IZUMO3: variants seen among roughly 807,000 people sequenced by gnomAD.
IZUMO3 encodes izumo sperm-egg fusion protein 3.
In IZUMO3, 36 loss-of-function variants were observed where a neutral mutation model predicts 28.4. The observed-to-expected ratio is 1.27, with a 90% CI of 0.97 to 1.67. The LOEUF is 1.67. IZUMO3 is among the 40% of genes most tolerant of loss of function. IZUMO3 has a pLI of 0.00. For missense variants in IZUMO3, 387 were observed against 278.5 expected, an observed-to-expected ratio of 1.39 and a Z score of -2.77; for synonymous variants, 126 against 99.2, an observed-to-expected ratio of 1.27 and a Z score of -1.61.
chr9:24,543,470 TTTG>T, intron 6 of IZUMO3, 103 bp from the exon 7 acceptor site: 1 of 839,256 alleles, frequency 1.2e-6, no homozygotes, highest in Non-Finnish European at 1.6e-6. Flanking sequence ...TTTTTTTTTT[TTTG>T]CTGGATACTT....
chr9:24,543,016 A>G lies in IZUMO3; in HGVS notation c.*213T>C. On this transcript the variant is annotated 3_prime_UTR_variant, in exon 7 of 7. Coordinates refer to ENST00000543880, the MANE Select transcript of IZUMO3 (RefSeq NM_001365008.2). ...CTGTGCATTGCAACATACCAGCATT[A>G]CTTTCTGTACAACTCTGGCCAAATT... 4.9e-6 allele frequency: 2 copies of G among 406,734 alleles called. No homozygotes were observed. The highest frequency in any genetic ancestry group is 8.6e-6 in the Non-Finnish European group (2 of 231,440). The allele number at this position is 406,734 out of a possible 1,614,324, so 25.2% of individuals were successfully genotyped here. A position where few individuals can be genotyped will look rare whatever the true frequency, so the allele number is the denominator to read the frequency against.
intron 4 of IZUMO3, 93 bp from the exon 5 acceptor site, chr9:24,544,374 A>G (rs753880956): frequency 5.6e-5 from 51 of 903,106 alleles, no homozygotes; most frequent in Non-Finnish European, 8.7e-5. Flanking sequence ...GATCTCAAGC[A>G]TTCCCAGGAC....
At chr9:24,544,004 C>A (rs966759541) in intron 5 of IZUMO3, among the ~76,000 whole-genome samples, 197 bp downstream of exon 5, 1 of 152,062 alleles carries the variant, frequency 6.6e-6, no homozygotes, top group Admixed American at 6.6e-5. Context: ...CATTTCTCAG[C>A]CTTTCAGTTG....
At chr9:24,543,501 C>G (rs1039973245) in intron 6 of IZUMO3, 134 bp from the exon 7 acceptor site, 1 of 306,696 alleles carries the variant, frequency 3.3e-6, no homozygotes, top group Non-Finnish European at 4.3e-6. Flanking sequence ...TCCTTTTGTT[C>G]CAACTATTAT....
chr9:24,543,812 G>T, intron 5 of IZUMO3, 58 bp from the exon 6 acceptor site: 3 of 1,124,804 alleles, frequency 2.7e-6, no homozygotes, highest in South Asian at 1.3e-5. Context: ...AATAGCTTGT[G>T]ACATTTATTC....
In IZUMO3 at chr9:24,545,592, C is replaced by T. The variant is rs1051213400; in HGVS notation, c.58G>A (p.Gly20Ser). Residue 20 changes from glycine (G) to serine (S), a missense_variant, in exon 1 of 7, where the codon GGC becomes AGC. Transcript: ENST00000543880. ...AATTTGGGGTCACATTCTAAACAGC[C>T]TTTGACTCCATGGAAGGCTGAGAGG... ...LPLSAFHGVKGCLECDPKFIE... is the reference protein window; with the variant it reads ...LPLSAFHGVKSCLECDPKFIE... 2 of 1,535,262 alleles carry T rather than the reference C, an allele frequency of 1.3e-6. No individual in the cohort carries two copies. Among genetic ancestry groups the T allele is most frequent in the African/African-American group, 1.4e-5 (1 of 73,008 alleles).
chr9:24,543,579 TC>T (rs1399780055), intron 6 of IZUMO3, 84 bp downstream of exon 6: 2 of 1,112,396 alleles, frequency 1.8e-6, no homozygotes, highest in African/African-American at 3.2e-5. Context: ...TTGCTTTATT[TC>T]CATTTGGAGG....
chr9:24,543,147 A>G lies in IZUMO3; in HGVS notation c.*82T>C, dbSNP rs1819487145. 7.2e-6 allele frequency: 8 copies of G among 1,118,760 alleles called. No individual in the cohort carries two copies. Among genetic ancestry groups the G allele is most frequent in the Non-Finnish European group, 8.5e-6 (7 of 826,272 alleles). The allele number at this position is 1,118,760 out of a possible 1,614,324, so 69.3% of individuals were successfully genotyped here. The stretch of plus-strand genomic sequence containing the variant: ...TTAAAATACTATGACTTTATGACCA[A>G]GAAAGGGTTTACCTCCCAGTTTTGT... On this transcript the variant is annotated 3_prime_UTR_variant, in exon 7 of 7. Transcript: ENST00000543880.
At chr9:24,545,115 A>G (rs2117956633) in intron 2 of IZUMO3, 54 bp from the exon 3 acceptor site, 18 of 1,474,408 alleles carry the variant, frequency 1.2e-5, no homozygotes, top group Non-Finnish European at 1.7e-5. Flanking sequence ...TCCCTTCAGA[A>G]GTTAATTATG....
Position 24,545,212 on chromosome 9 carries a change from C to A in IZUMO3, c.301G>T (p.Gly101Cys). 1 of 1,549,278 alleles carries A rather than the reference C, an allele frequency of 6.5e-7. No individual in the cohort carries two copies. Among genetic ancestry groups the A allele is most frequent in the East Asian group, 2.4e-5 (1 of 40,892 alleles). The change falls in exon 2 of 7, where the codon GGT becomes TGT. Residue 101 changes from glycine to cysteine, a missense_variant and splice_region_variant. Physicochemically the swap from Gly to Cys is radical, Grantham distance 159. Transcript: ENST00000543880. Reference protein sequence around the residue: ...FYKLGNETWKGVFIYQGKLLD... With the variant: ...FYKLGNETWKCVFIYQGKLLD... ...TTTTAACATTGAAACAGTACCTCAC[C>A]TTTCCATGTTTCATTGCCCAGTTTA...
At chr9:24,544,635 A>G in intron 4 of IZUMO3, 108 bp downstream of exon 4, 1 of 941,914 alleles carries the variant, frequency 1.1e-6, no homozygotes, top group Non-Finnish European at 1.6e-6. Context: ...CCACAGCTCT[A>G]GGAATTGGTT....
At chr9:24,544,020 G>A (rs2117949002) in intron 5 of IZUMO3, among the ~76,000 whole-genome samples, 181 bp downstream of exon 5, 1 of 152,116 alleles carries the variant, frequency 6.6e-6, no homozygotes, top group South Asian at 2.1e-4. Flanking sequence ...AGTTGATTCA[G>A]TGCCAAATTA....
rs777974671 is a variant in IZUMO3, at chr9:24,545,376, C to T, written c.226+48G>A. 8 of 1,547,398 alleles carry T rather than the reference C, an allele frequency of 5.2e-6. No individual in the cohort carries two copies. In the South Asian group the frequency reaches 8.3e-5, roughly 16 times the overall value. On this transcript the variant is annotated intron_variant, in intron 1 of 6. Coordinates refer to ENST00000543880, the MANE Select transcript of IZUMO3 (RefSeq NM_001365008.2). ...CCCAGGTGTTCTCTTCCTTGCCTCC[C>T]TTCTCCGTTTAAGCCCCTGGACTCT... is the stretch of plus-strand genomic sequence containing the variant.
rs2117947953 is a variant in IZUMO3 at position 24,543,772 on chromosome 9, A to G, written c.491-18T>C. The stretch of plus-strand genomic sequence containing the variant: ...ATCCTCGTCTGGAAGGAGAAACAGG[A>G]AAATATGAAAGTGAGTTTTGGAGAA... On this transcript the variant is annotated intron_variant, in intron 5 of 6. Transcript: ENST00000543880. The G allele has an allele frequency of 6.7e-7, 1 of 1,484,050 alleles. No homozygotes were observed. The highest frequency in any genetic ancestry group is 9.2e-7 in the Non-Finnish European group (1 of 1,087,156). 91.9% of individuals were successfully genotyped at this position (1,484,050 alleles called of 1,614,324 possible).
Position 24,545,599 on chromosome 9 carries a change from T to A in IZUMO3, c.51A>T (p.Gly17=), listed in dbSNP as rs1819575069. Reference sequence around the variant, plus strand: ...GGTCACATTCTAAACAGCCTTTGACTCCATGGAAGGCTGAGAGGGGCAGGA... The same window carrying A: ...GGTCACATTCTAAACAGCCTTTGACACCATGGAAGGCTGAGAGGGGCAGGA... ...FLLLPLSAFH[G]VKGCLECDPK... The change falls in exon 1 of 7, where the codon GGA becomes GGT. Residue 17 remains glycine, a synonymous_variant. Transcript: ENST00000543880. 7 of 1,535,266 alleles carry A rather than the reference T, an allele frequency of 4.6e-6. No individual in the cohort carries two copies. Among genetic ancestry groups the A allele is most frequent in the Non-Finnish European group, 5.2e-6 (6 of 1,146,646 alleles).
Position 24,545,174 on chromosome 9 carries a change from G to T in IZUMO3, c.301+38C>A, listed in dbSNP as rs1488193992. 2.6e-6 allele frequency: 4 copies of T among 1,529,006 alleles called. No homozygotes were observed. The South Asian group carries it at 4.8e-5, about 18-fold the overall frequency. 94.7% of individuals were successfully genotyped at this position (1,529,006 alleles called of 1,614,324 possible). A position where few individuals can be genotyped will look rare whatever the true frequency, so the allele number is the denominator to read the frequency against. On this transcript the variant is annotated intron_variant, in intron 2 of 6. Coordinates refer to ENST00000543880, the MANE Select transcript of IZUMO3 (RefSeq NM_001365008.2). ...CAGCCAAATTTTCTGAGGCTTGCTTGAGCAATACAAACTTTTAACATTGAA... is the reference window on the plus strand; with the variant it reads ...CAGCCAAATTTTCTGAGGCTTGCTTTAGCAATACAAACTTTTAACATTGAA...
At chr9:24,544,887 T>A (rs1279981767) in intron 3 of IZUMO3, 85 bp downstream of exon 3, 2 of 1,334,118 alleles carry the variant, frequency 1.5e-6, no homozygotes, top group East Asian at 5.0e-5. Flanking sequence ...ATAACTCTAT[T>A]ATGAACTTGC....
chr9:24,544,120 A>T, intron 5 of IZUMO3, 81 bp downstream of exon 5: 2 of 968,912 alleles, frequency 2.1e-6, no homozygotes, highest in South Asian at 2.8e-5. Context: ...TGACCCAACA[A>T]ATACATGTAG....
At position 24,545,798 on chromosome 9, in the gene IZUMO3, T is replaced by C. The variant is rs1819581050; in HGVS notation, c.-149A>G. 6.5e-7 allele frequency: 1 copy of C among 1,542,344 alleles called. No individual in the cohort carries two copies. Among genetic ancestry groups the C allele is most frequent in the African/African-American group, 1.4e-5 (1 of 72,670 alleles). ...CTGTTTCCATCCCACTATCGGGCAA[T>C]CTTTAGTTGTTTAGTTTAATGATCT... On this transcript the variant is annotated 5_prime_UTR_variant, in exon 1 of 7. Transcript: ENST00000543880.
Sources: gnomAD v4.1 joint callset for allele counts (sites outside exome capture counted in the v4.1 genomes callset) on GRCh38, gnomAD v4.1.1 for gene constraint, MANE v1.5 for transcripts, NCBI Gene and HGNC (gene_info 2026-07-23, HGNC 2026-07-21) for gene names.